The following BPIFA2 variants were observed in gnomAD, a reference collection of about 807,000 sequenced individuals.
BPIFA2 encodes the protein BPI fold-containing family A member 2.
BPIFA2 carries 20 observed loss-of-function variants against 25.7 expected under a neutral mutation model. The observed-to-expected ratio is 0.78, with a 90% CI of 0.55 to 1.13. The LOEUF is 1.13. BPIFA2 is among the 50% of genes most tolerant of loss of function. BPIFA2 has a pLI of 0.00. For missense variants in BPIFA2, 300 were observed against 298.1 expected (o/e 1.01, Z -0.05); for synonymous variants, 126 against 124.3 (o/e 1.01, Z -0.09).
At position 33,171,250 on chromosome 20, in the gene BPIFA2, T is replaced by G. The variant is rs534319980; in HGVS notation, c.158-1682T>G. On this transcript the variant is annotated intron_variant, in intron 2 of 8. Coordinates refer to ENST00000354932, the MANE Select transcript of BPIFA2 (RefSeq NM_080574.4). ...TGGTTCCATATGAAATTTAAAGTAGTTTTTTTTTCTAATTCTGTGAAGAAA... is the reference window on the plus strand; with the variant it reads ...TGGTTCCATATGAAATTTAAAGTAGGTTTTTTTTCTAATTCTGTGAAGAAA... Among the ~76,000 whole-genome samples, 6 of 145,334 alleles carry G rather than the reference T, an allele frequency of 4.1e-5. No homozygotes were observed. In the East Asian group the frequency reaches 7.8e-4, roughly 19 times the overall value.
chr20:33,172,370 C>T (rs1983923945), intron 2 of BPIFA2, among the ~76,000 whole-genome samples: 1 of 151,666 alleles, frequency 6.6e-6, no homozygotes, highest in Non-Finnish European at 1.5e-5. Context: ...CAAACCTGCA[C>T]ATTCTGCACA....
chr20:33,176,885 C>G (rs1984096556), intron 5 of BPIFA2, among the ~76,000 whole-genome samples: 1 of 152,130 alleles, frequency 6.6e-6, no homozygotes, highest in Admixed American at 6.5e-5. Flanking sequence ...GGTGCTCTGG[C>G]TACCTAGAGC....
chr20:33,165,084 G>C (rs151071237), upstream of BPIFA2, among the ~76,000 whole-genome samples: 1 of 152,352 alleles, frequency 6.6e-6, no homozygotes, highest in African/African-American at 2.4e-5. Flanking sequence ...AGAAAACCCG[G>C]CAAAGTCAAA....
At chr20:33,177,683 G>A (rs550610828) in intron 5 of BPIFA2, among the ~76,000 whole-genome samples, 1,580 of 152,308 alleles carry the variant, frequency 0.01, 37 homozygotes, top group African/African-American at 0.036. Flanking sequence ...TCTTAGGTAA[G>A]CAGTCAGGGA....
intron 5 of BPIFA2, among the ~76,000 whole-genome samples, chr20:33,177,349 T>C (rs1374019104): frequency 7.1e-6 from 1 of 140,440 alleles, no homozygotes; most frequent in East Asian, 2.0e-4. Flanking sequence ...AGCAAGACAT[T>C]GTCTCAAAAA....
chr20:33,169,410 T>C (rs1983830122), intron 2 of BPIFA2, 108 bp downstream of exon 2: 3 of 1,115,722 alleles, frequency 2.7e-6, no homozygotes, highest in Non-Finnish European at 3.8e-6. Context: ...GGCGGTTTAC[T>C]GAGAAAAGTG....
intron 5 of BPIFA2, among the ~76,000 whole-genome samples, chr20:33,177,606 C>T (rs147037351): frequency 2.3e-4 from 35 of 152,284 alleles, no homozygotes; most frequent in Admixed American, 6.5e-5. Flanking sequence ...CGGTAAAGAA[C>T]GCTCCAGGGA....
intron 7 of BPIFA2, among the ~76,000 whole-genome samples, chr20:33,180,121 G>A (rs1984223719): frequency 1.3e-5 from 2 of 152,152 alleles, no homozygotes; most frequent in Admixed American, 1.3e-4. Flanking sequence ...GGGAGGCTGA[G>A]GCGGGAGGAT....
intron 5 of BPIFA2, 130 bp from the exon 6 acceptor site, chr20:33,178,017 G>A (rs1984141024): frequency 1.6e-6 from 1 of 612,890 alleles, no homozygotes; most frequent in African/African-American, 1.9e-5. Flanking sequence ...GGCTCTGTCT[G>A]TTAAAGTGTC....
At chr20:33,167,814 C>T (rs375350367), upstream of BPIFA2, among the ~76,000 whole-genome samples, 23 of 152,150 alleles carry the variant, frequency 1.5e-4, no homozygotes, top group African/African-American at 3.6e-4. Context: ...GGAGTTAGAC[C>T]GGATGGTCAT....
chr20:33,169,675 TCA>T (rs1478171183), intron 2 of BPIFA2, among the ~76,000 whole-genome samples: 1 of 152,232 alleles, frequency 6.6e-6, no homozygotes, highest in African/African-American at 2.4e-5. Context: ...TCTGCCTGTC[TCA>T]CAGATGAAAA....
chr20:33,178,340 T>A, intron 6 of BPIFA2, 112 bp downstream of exon 6: 1 of 778,850 alleles, frequency 1.3e-6, no homozygotes, highest in East Asian at 2.9e-5. Flanking sequence ...TGAAAGCTTC[T>A]CCTTAGGAGG....
upstream of BPIFA2, among the ~76,000 whole-genome samples, chr20:33,163,462 G>A (rs1983635532): frequency 6.6e-6 from 1 of 152,170 alleles, no homozygotes; most frequent in Non-Finnish European, 1.5e-5. Context: ...GGCTGGGGGT[G>A]CTAGCGCAAT....
At position 33,169,140 on chromosome 20, in the gene BPIFA2, C is replaced by T. The variant is rs531664671; in HGVS notation, c.-6C>T. 4.3e-6 allele frequency: 7 copies of T among 1,613,776 alleles called. 1 individual carries two copies. In the South Asian group the frequency reaches 7.7e-5, roughly 18 times the overall value. ...TCCCATGACTGTCCAGGTGTCAAGA[C>T]AAAAGATGCTTCAGCTTTGGAAACT... On this transcript the variant is annotated 5_prime_UTR_variant, in exon 2 of 9. Coordinates refer to ENST00000354932, the MANE Select transcript of BPIFA2 (RefSeq NM_080574.4).
upstream of BPIFA2, among the ~76,000 whole-genome samples, chr20:33,164,334 G>A (rs1983659899): frequency 1.3e-5 from 2 of 152,172 alleles, no homozygotes; most frequent in African/African-American, 2.4e-5. Context: ...AGAACAGGGA[G>A]CGACCCAGAG....
chr20:33,164,266 C>G (rs1394466448), upstream of BPIFA2, among the ~76,000 whole-genome samples: 1 of 152,186 alleles, frequency 6.6e-6, no homozygotes, highest in South Asian at 2.1e-4. Context: ...CAGGGAGGAT[C>G]TGGAAGATGA....
rs1984270817 is a variant in BPIFA2 at position 33,181,249 on chromosome 20, C to T, written c.*63C>T. 1 of 152,280 alleles carries T rather than the reference C, an allele frequency of 6.6e-6. No individual in the cohort carries two copies. The highest frequency in any genetic ancestry group is 2.4e-5 in the African/African-American group (1 of 41,446). 9.4% of individuals were successfully genotyped at this position (152,280 alleles called of 1,614,324 possible). A position where few individuals can be genotyped will look rare whatever the true frequency, so the allele number is the denominator to read the frequency against. On this transcript the variant is annotated 3_prime_UTR_variant, in exon 9 of 9. Transcript: ENST00000354932. Reference sequence around the variant, plus strand: ...ATTGGTTCCCAGTGGCTTGCCCCACCCCCTTATAGCATCTCCCTCCAGGAA... The same window carrying T: ...ATTGGTTCCCAGTGGCTTGCCCCACTCCCTTATAGCATCTCCCTCCAGGAA...
In BPIFA2 at chr20:33,173,343, C is replaced by G. The variant is rs189226465; in HGVS notation, c.302+267C>G. On this transcript the variant is annotated intron_variant, in intron 3 of 8. Transcript: ENST00000354932. ...AGGTTATATTTATCCTTACCTCTAC[C>G]CATTTGCTGGTACACAAAGTCCCTT... Among the ~76,000 whole-genome samples the G allele has an allele frequency of 8.5e-5, 13 of 152,214 alleles. No individual in the cohort carries two copies. The East Asian group carries it at 2.5e-3, about 29-fold the overall frequency.
chr20:33,166,107 C>T (rs551728023), upstream of BPIFA2, among the ~76,000 whole-genome samples: 2 of 152,124 alleles, frequency 1.3e-5, no homozygotes, highest in East Asian at 1.9e-4. Context: ...ACATCCACCC[C>T]CTGGGTTCAA....
Sources: allele counts gnomAD v4.1 joint callset (sites outside exome capture counted in the v4.1 genomes callset), GRCh38; gene constraint gnomAD v4.1.1; transcripts MANE v1.5; gene names NCBI Gene and HGNC (gene_info 2026-07-23, HGNC 2026-07-21).